Variants in OR4N2 observed in about 807,000 individuals in gnomAD.
OR4N2 encodes the protein olfactory receptor 4N2.
For missense variants in OR4N2, 307 were observed against 377.6 expected (o/e 0.81, Z 1.55); for synonymous variants, 141 against 140.4 (o/e 1.00, Z -0.03).
chr14:19,805,058 C>T (rs1364652718), intron 1 of OR4N2, among the ~76,000 whole-genome samples: 3 of 152,120 alleles, frequency 2.0e-5, no homozygotes, highest in Non-Finnish European at 4.4e-5. Flanking sequence ...TATTTTTTCT[C>T]CATCCCTTTA....
chr14:19,811,064 G>C (rs1267292407), intron 1 of OR4N2, among the ~76,000 whole-genome samples: 7 of 152,210 alleles, frequency 4.6e-5, no homozygotes, highest in African/African-American at 1.7e-4. Flanking sequence ...AAATATGTAA[G>C]AAACGGGTAA....
Position 19,829,346 on chromosome 14 carries a change from C to G in OR4N2, c.*974C>G, listed in dbSNP as rs1879808832. On this transcript the variant is annotated 3_prime_UTR_variant, in exon 2 of 2. Transcript: ENST00000557677. Reference sequence around the variant, plus strand: ...TAATAACAACAGTCTTTTGGTAGAGCAATCAGGATTTTGTGTCAGAGACAA... The same window carrying G: ...TAATAACAACAGTCTTTTGGTAGAGGAATCAGGATTTTGTGTCAGAGACAA... 6.6e-6 allele frequency: 1 copy of G among 152,260 alleles called. No individual in the cohort carries two copies. Among genetic ancestry groups the G allele is most frequent in the Non-Finnish European group, 1.5e-5 (1 of 68,050 alleles). The allele number at this position is 152,260 out of a possible 1,614,324, so 9.4% of individuals were successfully genotyped here.
chr14:19,818,495 G>A (rs61976684), intron 1 of OR4N2, among the ~76,000 whole-genome samples: 1,874 of 152,112 alleles, frequency 0.012, 7 homozygotes, highest in Non-Finnish European at 0.018. Context: ...CAGAGACTAG[G>A]ATTGCAACCG....
intron 1 of OR4N2, among the ~76,000 whole-genome samples, chr14:19,818,473 A>C (rs1377054905): frequency 6.6e-6 from 1 of 152,140 alleles, no homozygotes; most frequent in Non-Finnish European, 1.5e-5. Flanking sequence ...GTTGGTTTAA[A>C]GTCTGTTTTA....
chr14:19,825,864 G>A (rs1029576899), intron 1 of OR4N2, among the ~76,000 whole-genome samples: 25 of 152,144 alleles, frequency 1.6e-4, no homozygotes, highest in African/African-American at 4.6e-4. Flanking sequence ...GGCCGCTAGA[G>A]CACTTATTTA....
intron 1 of OR4N2, among the ~76,000 whole-genome samples, chr14:19,826,714 T>C (rs1879708917): frequency 6.6e-6 from 1 of 152,266 alleles, no homozygotes; most frequent in Non-Finnish European, 1.5e-5. Context: ...TTTATTAATA[T>C]TTGAAACTCA....
Position 19,805,912 on chromosome 14 carries a change from G to A in OR4N2, c.-10+2068G>A, listed in dbSNP as rs376582948. ...CTTTATAAGCCAGAAAAAATTGGGG[G>A]CCTATTTTTAGTATTCTTAAAGAAA... On this transcript the variant is annotated intron_variant, in intron 1 of 1. Transcript: ENST00000557677. 7.9e-5 allele frequency among the ~76,000 whole-genome samples: 12 copies of A among 152,262 alleles called. No homozygotes were observed. In the East Asian group the frequency reaches 2.1e-3, roughly 27 times the overall value.
intron 1 of OR4N2, among the ~76,000 whole-genome samples, chr14:19,824,362 A>G (rs1332199377): frequency 1.3e-5 from 2 of 152,250 alleles, no homozygotes; most frequent in Non-Finnish European, 2.9e-5. Context: ...CCCATCTGTT[A>G]AGAAACAGTA....
intron 1 of OR4N2, among the ~76,000 whole-genome samples, chr14:19,814,288 G>A (rs916923405): frequency 6.6e-6 from 1 of 152,188 alleles, no homozygotes; most frequent in Non-Finnish European, 1.5e-5. Flanking sequence ...CAAATACCAA[G>A]ATCATGATGC....
chr14:19,809,098 C>G (rs1207215260), intron 1 of OR4N2, among the ~76,000 whole-genome samples: 1 of 152,078 alleles, frequency 6.6e-6, no homozygotes, highest in Admixed American at 6.5e-5. Context: ...ACCAAGCTAA[C>G]TCTCAGGTCT....
At chr14:19,807,482 A>G (rs993932020) in intron 1 of OR4N2, among the ~76,000 whole-genome samples, 1 of 152,134 alleles carries the variant, frequency 6.6e-6, no homozygotes, top group African/African-American at 2.4e-5. Flanking sequence ...AAAATCTAGA[A>G]GAAATGGATA....
chr14:19,820,710 G>C (rs181482240), intron 1 of OR4N2, among the ~76,000 whole-genome samples: 5 of 152,224 alleles, frequency 3.3e-5, no homozygotes, highest in African/African-American at 1.2e-4. Context: ...CAAACTTCCT[G>C]GTGGCTTTAT....
In OR4N2 at chr14:19,828,282, T is replaced by G. The variant is rs199792071; in HGVS notation, c.834T>G (p.Ile278Met). 8 of 1,614,260 alleles carry G rather than the reference T, an allele frequency of 5.0e-6. No individual in the cohort carries two copies. Among genetic ancestry groups the G allele is most frequent in the Non-Finnish European group, 6.8e-6 (8 of 1,180,046 alleles). The part of the protein sequence containing the change: ...DKVVSLFHTV[I>M]FPLLNPVIYT... ...TGGTTTCTCTCTTCCACACAGTGATTTTTCCTTTGTTGAATCCTGTCATTT... is the reference window on the plus strand; with the variant it reads ...TGGTTTCTCTCTTCCACACAGTGATGTTTCCTTTGTTGAATCCTGTCATTT... The change falls in exon 2 of 2, where the codon ATT becomes ATG. Residue 278 changes from isoleucine to methionine, a missense_variant. By Grantham distance (10) the Ile-to-Met change is conservative. Coordinates refer to ENST00000557677, the MANE Select transcript of OR4N2 (RefSeq NM_001004723.3).
intron 1 of OR4N2, chr14:19,822,175 T>C (rs1879583313): frequency 6.6e-6 from 1 of 152,312 alleles, no homozygotes; most frequent in Admixed American, 6.5e-5. Context: ...TCTCTCCTAA[T>C]AGATCTCCAT....
chr14:19,828,066 G>A lies in OR4N2; in HGVS notation c.618G>A (p.Met206Ile), dbSNP rs1566470028. The A allele has an allele frequency of 1.2e-6, 2 of 1,614,252 alleles. No homozygotes were observed. The highest frequency in any genetic ancestry group is 1.3e-5 in the African/African-American group (1 of 75,070). Residue 206 changes from methionine to isoleucine, a missense_variant, in exon 2 of 2, where the codon ATG becomes ATA. Met to Ile is a conservative substitution (Grantham distance 10). Transcript: ENST00000557677. ...ELLMVFNSGL[M>I]TLLCFLGLLA... ...TGATGGTCTTCAACAGTGGCCTGAT[G>A]ACACTCCTGTGCTTTCTGGGGCTTC...
intron 1 of OR4N2, among the ~76,000 whole-genome samples, chr14:19,824,334 A>T (rs1341968527): frequency 2.0e-5 from 3 of 152,254 alleles, no homozygotes; most frequent in South Asian, 2.1e-4. Flanking sequence ...TTCATCAAGA[A>T]GTCAAGTAGT....
chr14:19,824,454 A>C (rs1392056662), intron 1 of OR4N2, among the ~76,000 whole-genome samples: 1 of 152,244 alleles, frequency 6.6e-6, no homozygotes, highest in Non-Finnish European at 1.5e-5. Flanking sequence ...GAAATCCTCA[A>C]ATGTCTCAGG....
At chr14:19,819,616 G>A (rs151089645) in intron 1 of OR4N2, among the ~76,000 whole-genome samples, 2 of 152,186 alleles carry the variant, frequency 1.3e-5, no homozygotes, top group East Asian at 3.9e-4. Flanking sequence ...TAGCTTCCTT[G>A]CATTGGGTTA....
intron 1 of OR4N2, among the ~76,000 whole-genome samples, chr14:19,804,868 G>A (rs1469500371): frequency 6.6e-6 from 1 of 152,212 alleles, no homozygotes; most frequent in Non-Finnish European, 1.5e-5. Context: ...TTATAAGTCT[G>A]GGTACTTCTG....
Sources: allele counts gnomAD v4.1 joint callset (sites outside exome capture counted in the v4.1 genomes callset), GRCh38; gene constraint gnomAD v4.1.1; transcripts MANE v1.5; gene names NCBI Gene and HGNC (gene_info 2026-07-23, HGNC 2026-07-21).